The following CNTN4 variants were observed in gnomAD, a reference collection of about 807,000 sequenced individuals.
CNTN4 encodes the protein contactin-4.
Under a neutral mutation model 122.5 loss-of-function variants are expected in CNTN4, and 77 were observed. That is an observed-to-expected ratio of 0.63 (90% CI 0.52 to 0.76). The LOEUF is 0.76. Among genes scored for constraint, CNTN4 ranks in the 30% least tolerant of loss-of-function variants. CNTN4 has a pLI of 0.00. For missense variants in CNTN4, 1,256 were observed against 1,259.1 expected, an observed-to-expected ratio of 1.00 and a Z score of 0.04; for synonymous variants, 512 against 447.0, an observed-to-expected ratio of 1.15 and a Z score of -1.83.
chr3:2,421,244 G>A (rs548704869), intron 3 of CNTN4, among the ~76,000 whole-genome samples: 5 of 109,628 alleles, frequency 4.6e-5, no homozygotes, highest in Non-Finnish European at 8.8e-5. Context: ...TACCCTTCAG[G>A]GGGTTTCTTT....
intron 13 of CNTN4, among the ~76,000 whole-genome samples, chr3:2,943,630 A>ATATTTT (rs1553702084): frequency 4.3e-4 from 55 of 128,218 alleles, no homozygotes; most frequent in Admixed American, 2.4e-3. Context: ...ATATATATAT[A>ATATTTT]TTTTTTTTTT....
chr3:2,705,292 T>C (rs957164967), intron 4 of CNTN4, among the ~76,000 whole-genome samples: 96 of 140,956 alleles, frequency 6.8e-4, no homozygotes, highest in East Asian at 2.1e-3. Flanking sequence ...GGCGGGAACC[T>C]AGGAGGCAGA....
At chr3:2,309,307 C>T (rs1293552087) in intron 2 of CNTN4, among the ~76,000 whole-genome samples, 1 of 151,990 alleles carries the variant, frequency 6.6e-6, no homozygotes, top group Non-Finnish European at 1.5e-5. Context: ...TGCATATGTC[C>T]TTTTCTGTCT....
At chr3:2,916,801 C>T (rs1221253862) in intron 12 of CNTN4, among the ~76,000 whole-genome samples, 1 of 150,384 alleles carries the variant, frequency 6.6e-6, no homozygotes, top group Non-Finnish European at 1.5e-5. Flanking sequence ...CCCCCACCTC[C>T]CAGACGGGGC....
intron 3 of CNTN4, among the ~76,000 whole-genome samples, chr3:2,433,438 G>C (rs899244547): frequency 3.3e-5 from 5 of 152,174 alleles, no homozygotes; most frequent in Admixed American, 2.0e-4. Context: ...GTCTACTTTA[G>C]AGAAGTGTCT....
At chr3:2,200,323 T>G (rs147165748) in intron 2 of CNTN4, among the ~76,000 whole-genome samples, 1 of 152,334 alleles carries the variant, frequency 6.6e-6, no homozygotes, top group Non-Finnish European at 1.5e-5. Flanking sequence ...GGTAAGTCAC[T>G]TAAATATTTC....
chr3:2,120,393 ATATATATATATATTTTTTTTTT>A (rs2033674585), intron 2 of CNTN4, among the ~76,000 whole-genome samples: 1 of 29,526 alleles, frequency 3.4e-5, no homozygotes, highest in African/African-American at 9.2e-5. Flanking sequence ...ATATATATAT[ATATATATATATATTTTTTTTTT>A]TTTTTTTATG....
At chr3:2,871,108 G>A (rs1367841644) in intron 8 of CNTN4, among the ~76,000 whole-genome samples, 3 of 152,146 alleles carry the variant, frequency 2.0e-5, no homozygotes, top group South Asian at 4.1e-4. Context: ...GGATCCCGAA[G>A]CCAAGCAGTC....
Position 2,167,414 on chromosome 3 carries a change from A to G in CNTN4, c.-145+66775A>G, listed in dbSNP as rs116701918. On this transcript the variant is annotated intron_variant, in intron 2 of 24. Transcript: ENST00000418658. ...AATAATAAATAATTAGATGGCACAT[A>G]GGGCTATTTTTACCAAAAAATCCAC... Among the ~76,000 whole-genome samples, 182 of 152,344 alleles carry G rather than the reference A, an allele frequency of 1.2e-3. 1 individual carries two copies. Among genetic ancestry groups the G allele is most frequent in the South Asian group, 2.5e-3 (12 of 4,830 alleles).
chr3:2,746,585 G>A lies in CNTN4; in HGVS notation c.358+888G>A, dbSNP rs565029133. ...GTGTGAAATCCCAACTCATATAGCA[G>A]TGAATTTTGGCATTAGCCAAAGGTT... On this transcript the variant is annotated intron_variant, in intron 6 of 24. Transcript: ENST00000418658. Among the ~76,000 whole-genome samples, 5 of 152,334 alleles carry A rather than the reference G, an allele frequency of 3.3e-5. No individual in the cohort carries two copies. The East Asian group carries it at 9.7e-4, about 29-fold the overall frequency.
chr3:2,257,492 G>T (rs889891465), intron 2 of CNTN4, among the ~76,000 whole-genome samples: 1 of 152,154 alleles, frequency 6.6e-6, no homozygotes, highest in Non-Finnish European at 1.5e-5. Context: ...TATCATCAGA[G>T]TGAACAGGCA....
chr3:2,573,256 C>T (rs1312280599), intron 4 of CNTN4, among the ~76,000 whole-genome samples: 1 of 152,158 alleles, frequency 6.6e-6, no homozygotes, highest in East Asian at 1.9e-4. Flanking sequence ...TTTACTTATA[C>T]ATCTTTTAAT....
intron 3 of CNTN4, among the ~76,000 whole-genome samples, chr3:2,384,339 C>T (rs191071885): frequency 9.6e-4 from 146 of 152,202 alleles, no homozygotes; most frequent in Admixed American, 1.8e-3. Flanking sequence ...TTAGTCTAGC[C>T]GTGGCATGCT....
At chr3:2,647,377 TCTC>T (rs1289345811) in intron 4 of CNTN4, among the ~76,000 whole-genome samples, 52 of 125,312 alleles carry the variant, frequency 4.1e-4, no homozygotes, top group Non-Finnish European at 7.2e-4. Flanking sequence ...GCGAAACTCA[TCTC>T]ATAAATAAAT....
At chr3:2,957,780 A>T (rs1398789996) in intron 13 of CNTN4, among the ~76,000 whole-genome samples, 7 of 212 alleles carry the variant, frequency 0.033, no homozygotes, top group African/African-American at 0.11. Context: ...TTGTTCTTTT[A>T]TATGCCGCAT....
chr3:2,190,496 G>T (rs1025458735), intron 2 of CNTN4, among the ~76,000 whole-genome samples: 1 of 151,924 alleles, frequency 6.6e-6, no homozygotes, highest in African/African-American at 2.4e-5. Flanking sequence ...GAGCTGGAAA[G>T]ATTTCTCCTT....
intron 3 of CNTN4, among the ~76,000 whole-genome samples, chr3:2,507,721 A>G (rs1575798392): frequency 1.4e-5 from 2 of 141,750 alleles, no homozygotes; most frequent in Admixed American, 1.5e-4. Context: ...GGCCACAGTG[A>G]GAGACTTTGT....
At chr3:2,739,801 A>C (rs2089351059) in intron 5 of CNTN4, among the ~76,000 whole-genome samples, 2 of 152,246 alleles carry the variant, frequency 1.3e-5, no homozygotes, top group Non-Finnish European at 2.9e-5. Flanking sequence ...TTGGACAAAG[A>C]GTAGTAAATT....
chr3:2,869,927 T>A (rs1036109532), intron 8 of CNTN4, among the ~76,000 whole-genome samples: 7 of 152,206 alleles, frequency 4.6e-5, no homozygotes, highest in African/African-American at 1.7e-4. Flanking sequence ...AAAGATATGC[T>A]CCAGTGGCAT....
Sources: allele counts gnomAD v4.1 joint callset (sites outside exome capture counted in the v4.1 genomes callset), GRCh38; gene constraint gnomAD v4.1.1; transcripts MANE v1.5; gene names NCBI Gene and HGNC (gene_info 2026-07-23, HGNC 2026-07-21).